The following CALN1 variants were observed in gnomAD, a reference collection of about 807,000 sequenced individuals.
CALN1 encodes calneuron 1.
CALN1 carries 17 observed loss-of-function variants against 30.6 expected under a neutral mutation model. The ratio of observed to expected loss-of-function variants is 0.56; its 90% confidence interval spans 0.38 to 0.83. CALN1 has a LOEUF of 0.83. Ranked by LOEUF, CALN1 falls within the 40% of genes least tolerant of loss-of-function variation. The pLI is 0.00. For synonymous variants in CALN1, 156 were observed against 131.4 expected, an observed-to-expected ratio of 1.19 and a Z score of -1.28; for missense variants, 291 against 354.9, an observed-to-expected ratio of 0.82 and a Z score of 1.45.
intron 2 of CALN1, among the ~76,000 whole-genome samples, chr7:72,282,011 G>A (rs1391657215): frequency 6.6e-6 from 1 of 152,142 alleles, no homozygotes; most frequent in Non-Finnish European, 1.5e-5. Context: ...AAAGCTCAAA[G>A]TCTAGTGGGG....
intron 2 of CALN1, among the ~76,000 whole-genome samples, chr7:72,286,082 G>A (rs1231991918): frequency 6.6e-6 from 1 of 152,188 alleles, no homozygotes; most frequent in African/African-American, 2.4e-5. Context: ...TTAGAATGAT[G>A]AATAATCAGT....
At chr7:71,831,657 G>A (rs531584502) in intron 5 of CALN1, among the ~76,000 whole-genome samples, 90 of 151,570 alleles carry the variant, frequency 5.9e-4, no homozygotes, top group African/African-American at 2.1e-3. Context: ...AGGAGGAGGT[G>A]GGCGGATCAC....
chr7:72,133,909 T>C (rs1376317170), intron 3 of CALN1, among the ~76,000 whole-genome samples: 2 of 152,170 alleles, frequency 1.3e-5, no homozygotes, highest in Non-Finnish European at 1.5e-5. Context: ...AATATCCAAG[T>C]GGTGAAAGTG....
At chr7:72,409,328 C>T (rs776299023) in intron 1 of CALN1, among the ~76,000 whole-genome samples, 13 of 151,800 alleles carry the variant, frequency 8.6e-5, no homozygotes, top group African/African-American at 1.4e-4. Context: ...GTGCTTGTAA[C>T]CCATGCACCA....
upstream of CALN1, among the ~76,000 whole-genome samples, chr7:72,413,014 G>A (rs933817566): frequency 2.6e-5 from 4 of 152,212 alleles, no homozygotes; most frequent in Non-Finnish European, 5.9e-5. Context: ...CCTGGAGTAG[G>A]CCAGTGGCTG....
intron 2 of CALN1, among the ~76,000 whole-genome samples, chr7:72,398,171 G>A (rs1806104002): frequency 6.6e-6 from 1 of 152,214 alleles, no homozygotes; most frequent in African/African-American, 2.4e-5. Context: ...AATCTAGCAA[G>A]GAAGAGCAGC....
intron 5 of CALN1, among the ~76,000 whole-genome samples, chr7:71,837,251 A>C (rs1562825699): frequency 1.4e-5 from 2 of 144,046 alleles, no homozygotes; most frequent in Non-Finnish European, 3.0e-5. Context: ...GACAAAAAAA[A>C]AAAAAAAAAA....
At chr7:71,864,813 C>A (rs1403906989) in intron 5 of CALN1, among the ~76,000 whole-genome samples, 1 of 151,992 alleles carries the variant, frequency 6.6e-6, no homozygotes, top group Admixed American at 6.6e-5. Flanking sequence ...ACCAGCCTGG[C>A]CAACATGGTG....
At chr7:71,902,723 T>C (rs1234180395) in intron 5 of CALN1, among the ~76,000 whole-genome samples, 4 of 152,164 alleles carry the variant, frequency 2.6e-5, no homozygotes, top group African/African-American at 9.6e-5. Flanking sequence ...CTATTCACAA[T>C]AGCAAAGATG....
chr7:72,347,066 G>A (rs1038995919), intron 2 of CALN1, among the ~76,000 whole-genome samples: 3 of 152,004 alleles, frequency 2.0e-5, no homozygotes, highest in African/African-American at 7.2e-5. Context: ...AAAAGGAAAG[G>A]GGAGAAAGAA....
intron 2 of CALN1, among the ~76,000 whole-genome samples, chr7:72,373,589 G>A (rs989339997): frequency 2.6e-5 from 4 of 152,022 alleles, no homozygotes; most frequent in Non-Finnish European, 5.9e-5. Context: ...CCAACTATAG[G>A]CTAATATAAG....
At chr7:72,333,963 C>G (rs1314237738) in intron 2 of CALN1, among the ~76,000 whole-genome samples, 2 of 152,182 alleles carry the variant, frequency 1.3e-5, no homozygotes, top group African/African-American at 4.8e-5. Flanking sequence ...AATACTTTTC[C>G]TAAGGAAGCA....
intron 5 of CALN1, among the ~76,000 whole-genome samples, chr7:71,928,626 T>C (rs1031270283): frequency 1.3e-5 from 2 of 152,174 alleles, no homozygotes; most frequent in African/African-American, 2.4e-5. Context: ...ACATACCATA[T>C]CTTTCGCTTA....
chr7:72,286,764 G>T (rs531406436), intron 2 of CALN1, among the ~76,000 whole-genome samples: 5 of 152,332 alleles, frequency 3.3e-5, no homozygotes, highest in Middle Eastern at 3.4e-3. Flanking sequence ...TAACGTAGTG[G>T]TCTGTGTAAA....
At chr7:72,484,864 C>T in the CALN1 span, among the ~76,000 whole-genome samples, 3 of 152,118 alleles carry the variant, frequency 2.0e-5, no homozygotes, top group Non-Finnish European at 4.4e-5. Flanking sequence ...TCTCTGATAT[C>T]CAGCGTTTTG....
chr7:72,190,843 A>T (rs1174706331), intron 3 of CALN1, among the ~76,000 whole-genome samples: 14 of 84,532 alleles, frequency 1.7e-4, no homozygotes, highest in Non-Finnish European at 2.2e-4. Context: ...TCGATTTATT[A>T]TTATTTTTTT....
the CALN1 span, among the ~76,000 whole-genome samples, chr7:72,502,135 A>G: frequency 4.0e-5 from 6 of 149,418 alleles, no homozygotes; most frequent in African/African-American, 1.2e-4. Flanking sequence ...ACATTTATGA[A>G]GTAACTGAAA....
intron 2 of CALN1, among the ~76,000 whole-genome samples, chr7:72,318,698 G>A (rs1387778157): frequency 3.9e-5 from 5 of 127,654 alleles, no homozygotes; most frequent in Admixed American, 8.6e-5. Flanking sequence ...GCACCACCAT[G>A]TGTAGCTTTT....
rs572872620 is a variant in CALN1 at position 72,032,746 on chromosome 7, T to C, written c.389-8977A>G. Among the ~76,000 whole-genome samples the C allele has an allele frequency of 5.9e-5, 9 of 152,324 alleles. No individual in the cohort carries two copies. In the South Asian group the frequency reaches 6.2e-4, roughly 11 times the overall value. On this transcript the variant is annotated intron_variant, in intron 4 of 6. Coordinates refer to ENST00000395275, the MANE Select transcript of CALN1 (RefSeq NM_031468.4). Reference sequence around the variant, plus strand: ...GCCTCTTTGTCTGCAGTCAGGATCTTAGTAATTCTCTATGGGTGCTCCATT... The same window carrying C: ...GCCTCTTTGTCTGCAGTCAGGATCTCAGTAATTCTCTATGGGTGCTCCATT...
Sources: gnomAD v4.1 joint callset for allele counts (sites outside exome capture counted in the v4.1 genomes callset) on GRCh38, gnomAD v4.1.1 for gene constraint, MANE v1.5 for transcripts, NCBI Gene and HGNC (gene_info 2026-07-23, HGNC 2026-07-21) for gene names.